Variants in KHDC1 observed in about 807,000 individuals in gnomAD.
KHDC1 encodes the protein KH domain containing 1.
In KHDC1, 21 loss-of-function variants were observed where a neutral mutation model predicts 24.7. The ratio of observed to expected loss-of-function variants is 0.85; its 90% confidence interval spans 0.60 to 1.23. The LOEUF (loss-of-function observed/expected upper bound fraction) is 1.23, where lower values mean the gene tolerates loss of function less well. Among genes scored for constraint, KHDC1 ranks in the 50% most tolerant of loss-of-function variants. The pLI is 0.00. For synonymous variants in KHDC1, 98 were observed against 111.7 expected (o/e 0.88, Z 0.77); for missense variants, 274 against 298.5 (o/e 0.92, Z 0.61).
chr6:73,281,216 G>C (rs147142044), intron 2 of KHDC1, among the ~76,000 whole-genome samples: 7 of 152,106 alleles, frequency 4.6e-5, no homozygotes, highest in African/African-American at 1.7e-4. Flanking sequence ...GCACACACCT[G>C]TAATCCCAGC....
At chr6:73,306,100 T>C (rs1034934715) in intron 1 of KHDC1, among the ~76,000 whole-genome samples, 2 of 152,182 alleles carry the variant, frequency 1.3e-5, no homozygotes, top group African/African-American at 4.8e-5. Flanking sequence ...AATCAGGGAT[T>C]AAACAAAATG....
At chr6:73,265,952 G>T (rs555888394) in intron 2 of KHDC1, among the ~76,000 whole-genome samples, 1 of 152,008 alleles carries the variant, frequency 6.6e-6, no homozygotes, top group Non-Finnish European at 1.5e-5. Context: ...GACGAGGTCT[G>T]GCTTTGTTAC....
intron 1 of KHDC1, among the ~76,000 whole-genome samples, chr6:73,304,512 G>C (rs1254030072): frequency 6.6e-6 from 1 of 152,036 alleles, no homozygotes; most frequent in Admixed American, 6.6e-5. Flanking sequence ...TGTTGCCCAG[G>C]CTGGTCTTGA....
At chr6:73,242,934 T>C (rs1433876134) in intron 2 of KHDC1, among the ~76,000 whole-genome samples, 3 of 152,136 alleles carry the variant, frequency 2.0e-5, no homozygotes, top group Non-Finnish European at 4.4e-5. Flanking sequence ...CCAGAGTGTA[T>C]TCCAACAAGA....
chr6:73,271,491 TCCA>T (rs1009476102), intron 2 of KHDC1, among the ~76,000 whole-genome samples: 1 of 151,320 alleles, frequency 6.6e-6, no homozygotes, highest in Non-Finnish European at 1.5e-5. Flanking sequence ...ACAGGCGTAA[TCCA>T]CCGTGCCTGG....
At chr6:73,303,458 C>G (rs1017977742) in intron 1 of KHDC1, among the ~76,000 whole-genome samples, 2 of 152,166 alleles carry the variant, frequency 1.3e-5, no homozygotes, top group Non-Finnish European at 2.9e-5. Context: ...TTTGCATAGT[C>G]TGAAGTATCT....
At chr6:73,242,700 T>A in intron 2 of KHDC1, 170 bp from the exon 2 acceptor site, 6 of 748,534 alleles carry the variant, frequency 8.0e-6, no homozygotes, top group Middle Eastern at 3.6e-4. Flanking sequence ...TCATTCCAAG[T>A]AATTATCTGT....
chr6:73,307,044 T>A (rs956612924), intron 1 of KHDC1, among the ~76,000 whole-genome samples: 2 of 151,768 alleles, frequency 1.3e-5, no homozygotes, highest in Middle Eastern at 3.4e-3. Flanking sequence ...CCAAACACTG[T>A]GAGAAGACAC....
At chr6:73,306,369 G>A (rs771738821) in intron 1 of KHDC1, among the ~76,000 whole-genome samples, 27 of 151,904 alleles carry the variant, frequency 1.8e-4, no homozygotes, top group Non-Finnish European at 3.4e-4. Context: ...CAGCCTCTCC[G>A]TTCCCAGCTA....
chr6:73,246,860 G>A (rs1324392803), intron 2 of KHDC1, among the ~76,000 whole-genome samples: 1 of 151,306 alleles, frequency 6.6e-6, no homozygotes. Context: ...AATTAGAAGA[G>A]CAAACATTTT....
intron 2 of KHDC1, among the ~76,000 whole-genome samples, chr6:73,255,281 G>A (rs1766861500): frequency 7.1e-6 from 1 of 140,876 alleles, no homozygotes; most frequent in Non-Finnish European, 1.5e-5. Context: ...GTGCAGTAGT[G>A]AGACCTTGGC....
rs532489230 is a variant in KHDC1 at position 73,246,475 on chromosome 6, C to T, written c.207-3945G>A. Among the ~76,000 whole-genome samples, 7 of 152,246 alleles carry T rather than the reference C, an allele frequency of 4.6e-5. No individual in the cohort carries two copies. In the East Asian group the frequency reaches 1.2e-3, roughly 25 times the overall value. On this transcript the variant is annotated intron_variant, in intron 2 of 4. Coordinates refer to ENST00000370384, the Ensembl canonical transcript of KHDC1. ...TTCCCTAAAACAGGTCAAATGATCA[C>T]GAACACTCCCTTCTCAAGTAAGAGA...
chr6:73,281,489 C>T (rs1767408295), intron 2 of KHDC1, among the ~76,000 whole-genome samples: 1 of 151,788 alleles, frequency 6.6e-6, no homozygotes, highest in Non-Finnish European at 1.5e-5. Flanking sequence ...TGGTGATGGG[C>T]GCCTGTAATC....
intron 2 of KHDC1, among the ~76,000 whole-genome samples, chr6:73,262,420 T>C (rs1221797600): frequency 6.6e-6 from 1 of 152,236 alleles, no homozygotes; most frequent in Non-Finnish European, 1.5e-5. Context: ...GCTTGAATAC[T>C]AAAAAGAAAC....
intron 2 of KHDC1, among the ~76,000 whole-genome samples, chr6:73,284,063 GTTTAAC>G (rs1207639038): frequency 6.6e-6 from 1 of 151,818 alleles, no homozygotes; most frequent in Non-Finnish European, 1.5e-5. Context: ...TTAATTTCTA[GTTTAAC>G]TTTAAGGCAA....
intron 1 of KHDC1, among the ~76,000 whole-genome samples, chr6:73,306,665 G>A (rs1031077270): frequency 6.6e-6 from 1 of 151,956 alleles, no homozygotes; most frequent in African/African-American, 2.4e-5. Context: ...AGCTTGGGGT[G>A]GGGGTTGGTG....
intron 2 of KHDC1, among the ~76,000 whole-genome samples, chr6:73,278,860 T>C (rs1269428064): frequency 6.6e-6 from 1 of 152,208 alleles, no homozygotes; most frequent in Non-Finnish European, 1.5e-5. Context: ...GGGGGCACTA[T>C]TGTACACGAA....
intron 1 of KHDC1, among the ~76,000 whole-genome samples, chr6:73,302,190 G>A (rs1044859099): frequency 1.3e-5 from 2 of 152,116 alleles, no homozygotes; most frequent in Non-Finnish European, 2.9e-5. Flanking sequence ...TCAGGAGGCT[G>A]GGGCAGGAGG....
At chr6:73,305,914 C>T (rs575487845) in intron 1 of KHDC1, among the ~76,000 whole-genome samples, 181 of 152,236 alleles carry the variant, frequency 1.2e-3, no homozygotes, top group African/African-American at 4.2e-3. Context: ...CCACCTTGGC[C>T]TCCCAAAGTG....
Sources: gnomAD v4.1 joint callset for allele counts (sites outside exome capture counted in the v4.1 genomes callset) on GRCh38, gnomAD v4.1.1 for gene constraint, MANE v1.5 for transcripts, NCBI Gene and HGNC (gene_info 2026-07-23, HGNC 2026-07-21) for gene names.